The following BNC2 variants were observed in gnomAD, a reference collection of about 807,000 sequenced individuals.
BNC2 encodes zinc finger protein basonuclin-2.
Under a neutral mutation model 76.3 loss-of-function variants are expected in BNC2, and 20 were observed. The ratio of observed to expected loss-of-function variants is 0.26; its 90% CI spans 0.18 to 0.38. BNC2 has a LOEUF of 0.38. Ranked by LOEUF, BNC2 falls within the 10% of genes least tolerant of loss-of-function variation. The probability of loss-of-function intolerance (pLI) is 1.00; values close to 1 mark genes in which losing one functional copy is unlikely to be tolerated. For synonymous variants in BNC2, 582 were observed against 514.8 expected (o/e 1.13, Z -1.77); for missense variants, 1,382 against 1,399.8 (o/e 0.99, Z 0.20).
At chr9:16,527,402 C>T (rs1035122224) in intron 5 of BNC2, among the ~76,000 whole-genome samples, 1 of 152,212 alleles carries the variant, frequency 6.6e-6, no homozygotes, top group African/African-American at 2.4e-5. Context: ...ACCCCTGTGG[C>T]ACTGTTTTGC....
intron 1 of BNC2, among the ~76,000 whole-genome samples, chr9:16,740,596 C>A (rs186881751): frequency 6.6e-6 from 1 of 152,316 alleles, no homozygotes; most frequent in South Asian, 2.1e-4. Flanking sequence ...ATAAAACATT[C>A]TTTGGAGAAA....
At chr9:16,734,652 G>T (rs1824612122) in intron 2 of BNC2, among the ~76,000 whole-genome samples, 1 of 152,106 alleles carries the variant, frequency 6.6e-6, no homozygotes, top group South Asian at 2.1e-4. Context: ...CAGTTAGTTT[G>T]GTTTTTGCCA....
chr9:16,808,460 G>A (rs543236476), intron 1 of BNC2, among the ~76,000 whole-genome samples: 2 of 135,076 alleles, frequency 1.5e-5, no homozygotes, highest in African/African-American at 2.7e-5. Context: ...CAATATCCTA[G>A]TTGTGTGATC....
At chr9:16,632,465 T>G (rs2133755408) in intron 3 of BNC2, among the ~76,000 whole-genome samples, 1 of 152,214 alleles carries the variant, frequency 6.6e-6, no homozygotes, top group African/African-American at 2.4e-5. Flanking sequence ...AGCACCATAT[T>G]CCCAAATCAT....
intron 1 of BNC2, among the ~76,000 whole-genome samples, chr9:16,781,531 C>A (rs1427546257): frequency 6.6e-6 from 1 of 152,144 alleles, no homozygotes; most frequent in African/African-American, 2.4e-5. Context: ...TTAGTAGAGA[C>A]GGGGTTTCGT....
Position 16,805,728 on chromosome 9 carries a change from C to CACAG in BNC2, c.3+64917_3+64918insCTGT, listed in dbSNP as rs1817893573. Among the ~76,000 whole-genome samples the CACAG allele has an allele frequency of 4.6e-5, 7 of 152,028 alleles. No individual in the cohort carries two copies. The East Asian group carries it at 1.4e-3, about 30-fold the overall frequency. On this transcript the variant is annotated intron_variant, in intron 1 of 6. Transcript: ENST00000380672. Reference sequence around the variant, plus strand: ...TTGCATACATGCACACACACACACACACACACACGCAAACACAGTGTCCCT... The same window carrying CACAG: ...TTGCATACATGCACACACACACACACACAGACACACACGCAAACACAGTGTCCCT...
chr9:16,492,127 G>GC (rs1822291939), intron 5 of BNC2, among the ~76,000 whole-genome samples: 1 of 151,506 alleles, frequency 6.6e-6, no homozygotes, highest in African/African-American at 2.4e-5. Context: ...TCCTGACAAT[G>GC]TTTTTTTCTT....
At chr9:16,673,772 G>A (rs1355407896) in intron 3 of BNC2, among the ~76,000 whole-genome samples, 1 of 152,092 alleles carries the variant, frequency 6.6e-6, no homozygotes, top group Admixed American at 6.5e-5. Flanking sequence ...AATTTACACA[G>A]CCAGACACCT....
At position 16,722,977 on chromosome 9, in the gene BNC2, T is replaced by A. The variant is rs951590144; in HGVS notation, c.330+4820A>T. 2.0e-5 allele frequency among the ~76,000 whole-genome samples: 3 copies of A among 152,248 alleles called. No homozygotes were observed. In the East Asian group the frequency reaches 5.8e-4, roughly 29 times the overall value. ...ACTTTAGTGTTACATTATCAGACAA[T>A]ATACTGAGAATTATATTTGAATATA... On this transcript the variant is annotated intron_variant, in intron 3 of 6. Coordinates refer to ENST00000380672, the MANE Select transcript of BNC2 (RefSeq NM_017637.6).
In BNC2 at chr9:16,411,436, A is replaced by G. The variant is rs1042565619; in HGVS notation, c.*7553T>C. On this transcript the variant is annotated 3_prime_UTR_variant, in exon 7 of 7. Transcript: ENST00000380672. Reference sequence around the variant, plus strand: ...AAAAGTGAAACAAAGCATTAAAAAAACTATTACAAACGTCCTTAAGCATCC... The same window carrying G: ...AAAAGTGAAACAAAGCATTAAAAAAGCTATTACAAACGTCCTTAAGCATCC... 1.0e-4 allele frequency: 16 copies of G among 152,670 alleles called. No individual in the cohort carries two copies. The highest frequency in any genetic ancestry group is 2.1e-4 in the Non-Finnish European group (14 of 68,050). The allele number at this position is 152,670 out of a possible 1,614,324, so 9.5% of individuals were successfully genotyped here.
intron 1 of BNC2, chr9:16,867,388 C>T (rs753761999): frequency 2.0e-5 from 3 of 151,846 alleles, no homozygotes; most frequent in Non-Finnish European, 4.4e-5. Flanking sequence ...ATTTGGGGAT[C>T]GTAGGTTGTT....
intron 3 of BNC2, among the ~76,000 whole-genome samples, chr9:16,675,151 A>G (rs1334763766): frequency 4.6e-5 from 7 of 152,176 alleles, no homozygotes. Flanking sequence ...GCCTCCTTGC[A>G]TTCTTCTTCA....
rs1563770773 is a variant in BNC2, at chr9:16,413,791, GTTAC to G, written c.*5194_*5197del. 6.6e-6 allele frequency: 1 copy of G among 152,134 alleles called. No individual in the cohort carries two copies. Among genetic ancestry groups the G allele is most frequent in the African/African-American group, 2.4e-5 (1 of 41,422 alleles). 9.4% of individuals were successfully genotyped at this position (152,134 alleles called of 1,614,324 possible). A position where few individuals can be genotyped will look rare whatever the true frequency, so the allele number is the denominator to read the frequency against. On this transcript the variant is annotated 3_prime_UTR_variant, in exon 7 of 7. Coordinates refer to ENST00000380672, the MANE Select transcript of BNC2 (RefSeq NM_017637.6). ...TCTCTGAGGGAAAATGTGAAGAGAAGTTACTTACATACCTCATAGAACAGTAAAT... is the reference window on the plus strand; with the variant it reads ...TCTCTGAGGGAAAATGTGAAGAGAAGTTACATACCTCATAGAACAGTAAAT...
rs113087861 is a variant in BNC2, at chr9:16,759,958, C to T, written c.4-21473G>A. Among the ~76,000 whole-genome samples, 24 of 152,226 alleles carry T rather than the reference C, an allele frequency of 1.6e-4. 1 individual carries two copies. In the East Asian group the frequency reaches 2.3e-3, roughly 15 times the overall value. ...CAGGACGGTCTGGATTTCCTGACCT[C>T]GTGATCCGCCCACCTCGGCCTCCCA... On this transcript the variant is annotated intron_variant, in intron 1 of 6. Transcript: ENST00000380672.
intron 1 of BNC2, among the ~76,000 whole-genome samples, chr9:16,841,316 C>G (rs565891724): frequency 2.4e-4 from 36 of 152,280 alleles, no homozygotes; most frequent in African/African-American, 8.2e-4. Context: ...AATTCTGTCC[C>G]TTGTCAAACT....
intron 5 of BNC2, among the ~76,000 whole-genome samples, chr9:16,524,383 C>T (rs184224099): frequency 1.1e-3 from 171 of 152,160 alleles, no homozygotes; most frequent in African/African-American, 9.9e-4. Context: ...GGTAAGGAGA[C>T]GCCAGAGTGC....
intron 3 of BNC2, among the ~76,000 whole-genome samples, chr9:16,692,279 C>A (rs991442611): frequency 6.6e-6 from 1 of 152,114 alleles, no homozygotes; most frequent in Non-Finnish European, 1.5e-5. Context: ...GTATGCCACA[C>A]CCAGGTTAAC....
chr9:16,669,003 C>T (rs901955624), intron 3 of BNC2, among the ~76,000 whole-genome samples: 3 of 152,240 alleles, frequency 2.0e-5, no homozygotes, highest in East Asian at 3.9e-4. Context: ...CCCCACCCCC[C>T]TCAAGACACA....
chr9:16,549,635 T>G (rs966730120), intron 5 of BNC2, among the ~76,000 whole-genome samples: 1 of 152,200 alleles, frequency 6.6e-6, no homozygotes, highest in African/African-American at 2.4e-5. Context: ...ATTGGCCAAT[T>G]ATCAAGTAAC....
Sources: gnomAD v4.1 joint callset for allele counts (sites outside exome capture counted in the v4.1 genomes callset) on GRCh38, gnomAD v4.1.1 for gene constraint, MANE v1.5 for transcripts, NCBI Gene and HGNC (gene_info 2026-07-23, HGNC 2026-07-21) for gene names.